SLFN5: variants seen among roughly 807,000 people sequenced by gnomAD.
SLFN5 encodes the protein schlafen family member 5.
SLFN5 carries 34 observed loss-of-function variants against 48.5 expected under a neutral mutation model. The ratio of observed to expected loss-of-function variants is 0.70; its 90% CI spans 0.53 to 0.93. SLFN5 has a LOEUF of 0.93. Among genes scored for constraint, SLFN5 ranks in the 40% least tolerant of loss-of-function variants. The probability of loss-of-function intolerance (pLI) is 0.00; values close to 1 mark genes in which losing one functional copy is unlikely to be tolerated. For missense variants in SLFN5, 1,006 were observed against 1,071.3 expected, an observed-to-expected ratio of 0.94 and a Z score of 0.85; for synonymous variants, 387 against 396.2, an observed-to-expected ratio of 0.98 and a Z score of 0.28.
intron 1 of SLFN5, among the ~76,000 whole-genome samples, chr17:35,247,106 A>G (rs2142683610): frequency 1.3e-5 from 2 of 152,322 alleles, no homozygotes; most frequent in South Asian, 4.1e-4. Context: ...GACCTTGTCA[A>G]TAACTGACAG....
chr17:35,258,697 C>G lies in SLFN5; in HGVS notation c.7C>G (p.Leu3Val), dbSNP rs972002966. Residue 3 changes from leucine to valine, a missense_variant, in exon 2 of 5, where the codon CTT becomes GTT. By Grantham distance (32) the Leu-to-Val change is conservative. Coordinates refer to ENST00000299977, the MANE Select transcript of SLFN5 (RefSeq NM_144975.4). MSLRIDVDTNFPE... is the reference protein window; with the variant it reads MSVRIDVDTNFPE... ...TAGGCCAAGTGCTGAGAAGATGAGTCTTAGGATTGATGTGGATACAAACTT... is the reference window on the plus strand; with the variant it reads ...TAGGCCAAGTGCTGAGAAGATGAGTGTTAGGATTGATGTGGATACAAACTT... The G allele has an allele frequency of 3.7e-6, 6 of 1,612,806 alleles. 1 individual carries two copies. The East Asian group carries it at 1.1e-4, about 30-fold the overall frequency.
rs940995267 is a variant in SLFN5 at position 35,267,084 on chromosome 17, C to T, written c.*1196C>T. The T allele has an allele frequency of 3.9e-5, 6 of 152,102 alleles. No individual in the cohort carries two copies. The highest frequency in any genetic ancestry group is 8.8e-5 in the Non-Finnish European group (6 of 68,012). 9.4% of individuals were successfully genotyped at this position (152,102 alleles called of 1,614,324 possible). A position where few individuals can be genotyped will look rare whatever the true frequency, so the allele number is the denominator to read the frequency against. ...GCTACTTACAATATTAAGAACTTTA[C>T]TTTTTAAATTTGAGACAATTTCACA... On this transcript the variant is annotated 3_prime_UTR_variant, in exon 5 of 5. Coordinates refer to ENST00000299977, the MANE Select transcript of SLFN5 (RefSeq NM_144975.4).
Position 35,265,328 on chromosome 17 carries a change from G to C in SLFN5, c.2116G>C (p.Glu706Gln). 6.2e-7 allele frequency: 1 copy of C among 1,614,128 alleles called. No homozygotes were observed. The highest frequency in any genetic ancestry group is 2.2e-5 in the East Asian group (1 of 44,876). Residue 706 changes from glutamate to glutamine, a missense_variant, in exon 5 of 5, where the codon GAA becomes CAA. Glu to Gln is a conservative substitution (Grantham distance 29). Coordinates refer to ENST00000299977, the MANE Select transcript of SLFN5 (RefSeq NM_144975.4). ...CCCTCCCTCAGACCAGTATCCAAGA[G>C]AAGAGATCAACAGAGTGGTCCGCAA... Reference protein sequence around the residue: ...LPPPSDQYPREEINRVVRNAG... With the variant: ...LPPPSDQYPRQEINRVVRNAG...
At position 35,271,087 on chromosome 17, in the gene SLFN5, T is replaced by C. The variant is rs929142319; in HGVS notation, c.*5199T>C. The stretch of plus-strand genomic sequence containing the variant: ...AATACAGGTAGCATATTCAAACTGC[T>C]GTGGAAAAACAACATCAAACCTAGA... On this transcript the variant is annotated 3_prime_UTR_variant, in exon 5 of 5. Coordinates refer to ENST00000299977, the MANE Select transcript of SLFN5 (RefSeq NM_144975.4). 3 of 152,218 alleles carry C rather than the reference T, an allele frequency of 2.0e-5. No individual in the cohort carries two copies. The highest frequency in any genetic ancestry group is 7.2e-5 in the African/African-American group (3 of 41,466). 9.4% of individuals were successfully genotyped at this position (152,218 alleles called of 1,614,324 possible).
Position 35,271,447 on chromosome 17 carries a change from A to C in SLFN5, c.*5559A>C, listed in dbSNP as rs539543292. ...CTAATTGCCTATTATGTCAGACTAC[A>C]TGTAGTTAGAAAATACGATGAAAGA... On this transcript the variant is annotated 3_prime_UTR_variant, in exon 5 of 5. Coordinates refer to ENST00000299977, the MANE Select transcript of SLFN5 (RefSeq NM_144975.4). 33 of 152,360 alleles carry C rather than the reference A, an allele frequency of 2.2e-4. No homozygotes were observed. In the East Asian group the frequency reaches 6.4e-3, roughly 29 times the overall value. The allele number at this position is 152,360 out of a possible 1,614,324, so 9.4% of individuals were successfully genotyped here. A position where few individuals can be genotyped will look rare whatever the true frequency, so the allele number is the denominator to read the frequency against.
intron 2 of SLFN5, 131 bp from the exon 3 acceptor site, chr17:35,260,840 A>G: frequency 8.7e-6 from 10 of 1,144,908 alleles, no homozygotes; most frequent in Non-Finnish European, 1.2e-5. Context: ...AGCTGACCTG[A>G]GATGTAAAGG....
rs1446956950 is a variant in SLFN5, at chr17:35,269,869, A to T, written c.*3981A>T. On this transcript the variant is annotated 3_prime_UTR_variant, in exon 5 of 5. Coordinates refer to ENST00000299977, the MANE Select transcript of SLFN5 (RefSeq NM_144975.4). ...AATGTCCATTACAGCAATTAACAAAAGTTAGGGAGTGGGGAAGTCTGAGTG... is the reference window on the plus strand; with the variant it reads ...AATGTCCATTACAGCAATTAACAAATGTTAGGGAGTGGGGAAGTCTGAGTG... 1 of 152,218 alleles carries T rather than the reference A, an allele frequency of 6.6e-6. No homozygotes were observed. Among genetic ancestry groups the T allele is most frequent in the Non-Finnish European group, 1.5e-5 (1 of 68,030 alleles). 9.4% of individuals were successfully genotyped at this position (152,218 alleles called of 1,614,324 possible).
intron 1 of SLFN5, among the ~76,000 whole-genome samples, chr17:35,253,904 G>T (rs2092448926): frequency 6.7e-6 from 1 of 149,964 alleles, no homozygotes; most frequent in Admixed American, 6.6e-5. Context: ...CACTGTGTTG[G>T]CCAGGCTGGT....
At position 35,272,347 on chromosome 17, in the gene SLFN5, T is replaced by TAA. The variant is rs1267917755; in HGVS notation, c.*6466_*6467dup. 1 of 151,884 alleles carries TAA rather than the reference T, an allele frequency of 6.6e-6. No homozygotes were observed. The highest frequency in any genetic ancestry group is 6.6e-5 in the Admixed American group (1 of 15,254). 9.4% of individuals were successfully genotyped at this position (151,884 alleles called of 1,614,324 possible). ...ATGATGAACAACTCTGTCACCCAGC[T>TAA]AAAAAAAATTAAGCTTGGGCCATAT... On this transcript the variant is annotated 3_prime_UTR_variant, in exon 5 of 5. Coordinates refer to ENST00000299977, the MANE Select transcript of SLFN5 (RefSeq NM_144975.4).
At chr17:35,262,358 C>T (rs1368737697) in intron 3 of SLFN5, among the ~76,000 whole-genome samples, 14 of 134,308 alleles carry the variant, frequency 1.0e-4, no homozygotes, top group South Asian at 2.3e-4. Context: ...CCAGCCTGGG[C>T]GACAGAGGGA....
chr17:35,259,158 G>C lies in SLFN5; in HGVS notation c.468G>C (p.Gln156His), dbSNP rs1183344217. Reference sequence around the variant, plus strand: ...ATGTTTCCAATTCATTAGGTCCACAGGCAGCTCAGGGTAGTGTACAATATG... The same window carrying C: ...ATGTTTCCAATTCATTAGGTCCACACGCAGCTCAGGGTAGTGTACAATATG... ...NINVSNSLGP[Q>H]AAQGSVQYEG... The change falls in exon 2 of 5, where the codon CAG becomes CAC. Residue 156 changes from glutamine (Q) to histidine (H), a missense_variant. By Grantham distance (24) the Gln-to-His change is conservative (BLOSUM62 0). Transcript: ENST00000299977. The C allele has an allele frequency of 1.2e-6, 2 of 1,613,968 alleles. No individual in the cohort carries two copies. Among genetic ancestry groups the C allele is most frequent in the African/African-American group, 1.3e-5 (1 of 74,884 alleles).
intron 1 of SLFN5, among the ~76,000 whole-genome samples, chr17:35,251,436 C>T (rs920703872): frequency 6.6e-6 from 1 of 152,094 alleles, no homozygotes; most frequent in African/African-American, 2.4e-5. Flanking sequence ...GACGGAGTCT[C>T]GCTCTGTCAC....
At chr17:35,246,083 C>T (rs895496455) in intron 1 of SLFN5, among the ~76,000 whole-genome samples, 8 of 152,134 alleles carry the variant, frequency 5.3e-5, no homozygotes, top group Admixed American at 3.9e-4. Flanking sequence ...ATTTCCCTAA[C>T]GACTAATGAT....
At chr17:35,261,631 A>T (rs574926252) in intron 3 of SLFN5, among the ~76,000 whole-genome samples, 2 of 149,056 alleles carry the variant, frequency 1.3e-5, no homozygotes, top group South Asian at 4.5e-4. Context: ...AGCTTCCCAA[A>T]GTGCTGGGAT....
Position 35,265,539 on chromosome 17 carries a change from A to T in SLFN5, c.2327A>T (p.Lys776Ile). The change falls in exon 5 of 5, where the codon AAA becomes ATA. Residue 776 changes from lysine (K) to isoleucine (I), a missense_variant. Coordinates refer to ENST00000299977, the MANE Select transcript of SLFN5 (RefSeq NM_144975.4). Reference protein sequence around the residue: ...LEEILIYVANKCRFLLRNGYS... With the variant: ...LEEILIYVANICRFLLRNGYS... ...GAGATACTGATCTATGTAGCGAATA[A>T]ATGCCGTTTTCTCTTGCGGAATGGT... The T allele has an allele frequency of 1.2e-6, 2 of 1,614,228 alleles. No homozygotes were observed. Among genetic ancestry groups the T allele is most frequent in the Non-Finnish European group, 1.7e-6 (2 of 1,180,048 alleles).
At chr17:35,252,116 C>T (rs2092443847) in intron 1 of SLFN5, among the ~76,000 whole-genome samples, 1 of 152,140 alleles carries the variant, frequency 6.6e-6, no homozygotes, top group Non-Finnish European at 1.5e-5. Context: ...CTTAAATCCA[C>T]ATCCGTGGGA....
Position 35,265,340 on chromosome 17 carries a change from A to C in SLFN5, c.2128A>C (p.Arg710=), listed in dbSNP as rs754378463. The C allele has an allele frequency of 6.2e-7, 1 of 1,614,186 alleles. No individual in the cohort carries two copies. The highest frequency in any genetic ancestry group is 8.5e-7 in the Non-Finnish European group (1 of 1,180,040). The stretch of plus-strand genomic sequence containing the variant: ...CCAGTATCCAAGAGAAGAGATCAAC[A>C]GAGTGGTCCGCAATGCAGGTCCAAT... ...SDQYPREEIN[R]VVRNAGPIAN... The change falls in exon 5 of 5, where the codon AGA becomes CGA. Residue 710 remains arginine, a synonymous_variant. Coordinates refer to ENST00000299977, the MANE Select transcript of SLFN5 (RefSeq NM_144975.4).
At chr17:35,246,719 G>T (rs1232555164) in intron 1 of SLFN5, among the ~76,000 whole-genome samples, 5 of 151,974 alleles carry the variant, frequency 3.3e-5, no homozygotes, top group Middle Eastern at 3.2e-3. Context: ...CCCAGGCGTG[G>T]TGGTGGGCAC....
intron 1 of SLFN5, among the ~76,000 whole-genome samples, chr17:35,254,313 C>A (rs2142693176): frequency 6.6e-6 from 1 of 152,256 alleles, no homozygotes; most frequent in South Asian, 2.1e-4. Context: ...TCCACCGAAG[C>A]CTGCTGCTCT....
Sources: allele counts gnomAD v4.1 joint callset (sites outside exome capture counted in the v4.1 genomes callset), GRCh38; gene constraint gnomAD v4.1.1; transcripts MANE v1.5; gene names NCBI Gene and HGNC (gene_info 2026-07-23, HGNC 2026-07-21).